OGA: variants seen among roughly 807,000 people sequenced by gnomAD.
The protein encoded by OGA is O-GlcNAcase, also known as protein O-GlcNAcase.
Under a neutral mutation model 102.0 loss-of-function variants are expected in OGA, and 21 were observed. The ratio of observed to expected loss-of-function variants is 0.21; its 90% CI spans 0.15 to 0.30. The LOEUF (loss-of-function observed/expected upper bound fraction) is 0.30. OGA is among the 10% of genes least tolerant of loss of function. The pLI, the probability that OGA is intolerant of heterozygous loss-of-function variation, is 1.00. For synonymous variants in OGA, 408 were observed against 378.2 expected (o/e 1.08, Z -0.91); for missense variants, 765 against 1,107.8 (o/e 0.69, Z 4.39).
In OGA at chr10:101,815,961, GAGAAAAAAAAAAAAAA is replaced by G. The variant is rs1341273669; in HGVS notation, c.199+1847_199+1862del. Among the ~76,000 whole-genome samples the G allele has an allele frequency of 3.2e-3, 77 of 23,790 alleles. 2 individuals carry two copies. The highest frequency in any genetic ancestry group is 0.015 in the African/African-American group (67 of 4,516). 15.6% of individuals were successfully genotyped at this position (23,790 alleles called of 152,430 possible). A position where few individuals can be genotyped will look rare whatever the true frequency, so the allele number is the denominator to read the frequency against. ...TGCCAACCAAGAGGTATCAAAAAGA[GAGAAAAAAAAAAAAAA>G]AAAAAAAAAAAAAGCCAGGCGCGGT... On this transcript the variant is annotated intron_variant, in intron 1 of 15. Coordinates refer to ENST00000361464, the MANE Select transcript of OGA (RefSeq NM_012215.5).
chr10:101,805,836 T>A (rs1205168368), intron 6 of OGA, among the ~76,000 whole-genome samples: 1 of 151,948 alleles, frequency 6.6e-6, no homozygotes, highest in Non-Finnish European at 1.5e-5. Flanking sequence ...GTGCCTGTAG[T>A]CCCAGCTACT....
Position 101,786,400 on chromosome 10 carries a change from T to A in OGA, c.*51A>T. 6.6e-7 allele frequency: 1 copy of A among 1,509,068 alleles called. No homozygotes were observed. The highest frequency in any genetic ancestry group is 8.8e-7 in the Non-Finnish European group (1 of 1,130,552). The allele number at this position is 1,509,068 out of a possible 1,614,324, so 93.5% of individuals were successfully genotyped here. On this transcript the variant is annotated 3_prime_UTR_variant, in exon 16 of 16. Transcript: ENST00000361464. ...ACTGTATGAAGACCTCAACTACCAT[T>A]CACAAGGTGCAGTTAAGAGACTTTT...
At chr10:101,812,949 A>G (rs780567491) in intron 3 of OGA, 81 bp downstream of exon 3, 2 of 1,113,526 alleles carry the variant, frequency 1.8e-6, no homozygotes. Flanking sequence ...AAAATGTCAT[A>G]AAATTCTTGT....
intron 14 of OGA, among the ~76,000 whole-genome samples, chr10:101,789,515 A>T (rs2065231611): frequency 6.6e-6 from 1 of 152,092 alleles, no homozygotes; most frequent in Non-Finnish European, 1.5e-5. Flanking sequence ...ATAAATAAAT[A>T]AATAAAAAGA....
chr10:101,791,453 C>G lies in OGA; in HGVS notation c.2176-14G>C. The stretch of plus-strand genomic sequence containing the variant: ...GTACACGGATGCCTGAAAATATAAT[C>G]TAGTTAAGCAACACATCAAGAAAAA... On this transcript the variant is annotated splice_polypyrimidine_tract_variant and intron_variant, in intron 12 of 15. Transcript: ENST00000361464. The G allele has an allele frequency of 2.5e-6, 4 of 1,605,302 alleles. No homozygotes were observed. Among genetic ancestry groups the G allele is most frequent in the Non-Finnish European group, 3.4e-6 (4 of 1,172,410 alleles).
At position 101,804,243 on chromosome 10, in the gene OGA, A is replaced by G. The variant is rs569144063; in HGVS notation, c.752-224T>C. On this transcript the variant is annotated intron_variant, in intron 6 of 15. Transcript: ENST00000361464. ...TGGTTCTTTAAAATATACTGCATAT[A>G]TAACTTTTTATTGTTTTCCTTACGT... 1.5e-3 allele frequency among the ~76,000 whole-genome samples: 230 copies of G among 151,026 alleles called. 1 individual carries two copies. The highest frequency in any genetic ancestry group is 4.0e-3 in the African/African-American group (164 of 41,154).
chr10:101,787,441 T>C lies in OGA; in HGVS notation c.2537A>G (p.Asp846Gly), dbSNP rs1045034877. 6.2e-7 allele frequency: 1 copy of C among 1,614,058 alleles called. No individual in the cohort carries two copies. Among genetic ancestry groups the C allele is most frequent in the Non-Finnish European group, 8.5e-7 (1 of 1,179,910 alleles). Residue 846 changes from aspartate (D) to glycine (G), a missense_variant, in exon 15 of 16, where the codon GAC becomes GGC. Asp to Gly is a moderately conservative substitution (Grantham distance 94). Coordinates refer to ENST00000361464, the MANE Select transcript of OGA (RefSeq NM_012215.5). ...LANFPSLIKMDIHKKVTDPSV... is the reference protein window; with the variant it reads ...LANFPSLIKMGIHKKVTDPSV... Reference sequence around the variant, plus strand: ...TGGGTCAGTTACTTTTTTGTGAATGTCCATCTTTATCAGAGAAGGGAAATT... The same window carrying C: ...TGGGTCAGTTACTTTTTTGTGAATGCCCATCTTTATCAGAGAAGGGAAATT...
At position 101,786,357 on chromosome 10, in the gene OGA, T is replaced by C; in HGVS notation, c.*94A>G. 7.8e-7 allele frequency: 1 copy of C among 1,277,674 alleles called. No individual in the cohort carries two copies. Among genetic ancestry groups the C allele is most frequent in the Non-Finnish European group, 1.0e-6 (1 of 968,330 alleles). The allele number at this position is 1,277,674 out of a possible 1,614,324, so 79.1% of individuals were successfully genotyped here. ...TTTCGAATCCAATTGGCTGATTTGT[T>C]ACCATTCTAGAGGCTGAACTGTATG... On this transcript the variant is annotated 3_prime_UTR_variant, in exon 16 of 16. Coordinates refer to ENST00000361464, the MANE Select transcript of OGA (RefSeq NM_012215.5).
chr10:101,789,940 T>C (rs1010350349), intron 14 of OGA, among the ~76,000 whole-genome samples: 4 of 152,186 alleles, frequency 2.6e-5, no homozygotes, highest in African/African-American at 7.2e-5. Context: ...GTTTGTGCTA[T>C]TGCATTCCTG....
intron 10 of OGA, among the ~76,000 whole-genome samples, chr10:101,796,352 C>T (rs1017702262): frequency 2.0e-5 from 3 of 152,110 alleles, no homozygotes; most frequent in African/African-American, 7.2e-5. Flanking sequence ...ACCTCCACCT[C>T]CTGGGTTCAA....
At chr10:101,791,292 C>T in intron 13 of OGA, 62 bp downstream of exon 13, 7 of 1,404,294 alleles carry the variant, frequency 5.0e-6, no homozygotes, top group Non-Finnish European at 7.0e-6. Flanking sequence ...CATCACCTCC[C>T]CTCAACCTGA....
At position 101,807,511 on chromosome 10, in the gene OGA, T is replaced by C. The variant is rs557973172; in HGVS notation, c.652+219A>G. On this transcript the variant is annotated intron_variant, in intron 5 of 15. Coordinates refer to ENST00000361464, the MANE Select transcript of OGA (RefSeq NM_012215.5). ...CAATGTAATGTTCATATACTTCCAG[T>C]ACTTAAAAATACATAAAAATCTTTT... Among the ~76,000 whole-genome samples the C allele has an allele frequency of 2.0e-5, 3 of 152,346 alleles. No homozygotes were observed. The South Asian group carries it at 6.2e-4, about 32-fold the overall frequency.
chr10:101,795,122 G>A (rs1421539464), intron 10 of OGA, among the ~76,000 whole-genome samples: 1 of 152,038 alleles, frequency 6.6e-6, no homozygotes, highest in Non-Finnish European at 1.5e-5. Flanking sequence ...TAGACTATAC[G>A]AGAACCTGTC....
chr10:101,815,693 G>A (rs893707672), intron 1 of OGA, among the ~76,000 whole-genome samples: 1 of 151,742 alleles, frequency 6.6e-6, no homozygotes, highest in African/African-American at 2.4e-5. Flanking sequence ...TCCTTTCAGA[G>A]TTGCTCCAAT....
chr10:101,807,882 C>T lies in OGA; in HGVS notation c.500G>A (p.Arg167Lys). 6.5e-7 allele frequency: 1 copy of T among 1,544,792 alleles called. No homozygotes were observed. Among genetic ancestry groups the T allele is most frequent in the South Asian group, 1.3e-5 (1 of 79,006 alleles). ...KLDQVSQFGC[R>K]SFALLFDDID... ...ATCATCAAAAAGCAAAGCAAATGATCTGCACCCAAACTGAGAAACCTAGGA... is the reference window on the plus strand; with the variant it reads ...ATCATCAAAAAGCAAAGCAAATGATTTGCACCCAAACTGAGAAACCTAGGA... Residue 167 changes from arginine (R) to lysine (K), a missense_variant, in exon 5 of 16, where the codon AGA (arginine) becomes AAA (lysine). By Grantham distance (26) the Arg-to-Lys change is conservative (BLOSUM62 2). Around this residue, in one of 7 missense-constraint regions of OGA, gnomAD observed 165 missense variants for 249.7 expected, o/e 0.66. Coordinates refer to ENST00000361464, the MANE Select transcript of OGA (RefSeq NM_012215.5).
At chr10:101,788,509 G>A (rs1408928111) in intron 14 of OGA, among the ~76,000 whole-genome samples, 1 of 151,614 alleles carries the variant, frequency 6.6e-6, no homozygotes, top group African/African-American at 2.4e-5. Context: ...GGCCGAGACA[G>A]GTGAATCACA....
In OGA at chr10:101,791,394, C is replaced by T; in HGVS notation, c.2221G>A (p.Gly741Ser). Residue 741 changes from glycine to serine, a missense_variant, in exon 13 of 16, where the codon GGT becomes AGT. This residue lies in a region of OGA where 146 missense variants were observed against 269.7 expected (regional missense o/e 0.54). Transcript: ENST00000361464. ...TCAGGCTGACTTTGAAAGGGTAAAC[C>T]CACTCCATCGTCATACATTTCTCTG... The part of the protein sequence containing the change: ...ICREMYDDGV[G>S]LPFQSQPDLI... 6.2e-7 allele frequency: 1 copy of T among 1,614,024 alleles called. No individual in the cohort carries two copies. The highest frequency in any genetic ancestry group is 8.5e-7 in the Non-Finnish European group (1 of 1,179,980).
intron 5 of OGA, 115 bp from the exon 6 acceptor site, chr10:101,806,258 A>C (rs2065472228): frequency 1.6e-6 from 1 of 608,302 alleles, no homozygotes. Flanking sequence ...GCTAGAGTGC[A>C]GTGGCACGAT....
chr10:101,798,811 C>T, intron 9 of OGA, 31 bp downstream of exon 9: 1 of 1,588,786 alleles, frequency 6.3e-7, no homozygotes, highest in Non-Finnish European at 8.6e-7. Flanking sequence ...ACCACCCAGG[C>T]TTCAGCAGCA....
Sources: allele counts gnomAD v4.1 joint callset (sites outside exome capture counted in the v4.1 genomes callset), GRCh38; gene constraint gnomAD v4.1.1; regional missense constraint gnomAD v4.1.1; transcripts MANE v1.5; gene names NCBI Gene and HGNC (gene_info 2026-07-23, HGNC 2026-07-21).